Variants in ALKAL1 observed in about 807,000 individuals in gnomAD.
ALKAL1 encodes ALK and LTK ligand 1.
ALKAL1 carries 23 observed loss-of-function variants against 13.5 expected under a neutral mutation model. The observed-to-expected ratio is 1.70, with a 90% CI of 1.23 to 2.41. The LOEUF (loss-of-function observed/expected upper bound fraction) is 2.41. Ranked by LOEUF, ALKAL1 falls within the 30% of genes most tolerant of loss-of-function variation. The pLI, the probability that ALKAL1 is intolerant of heterozygous loss-of-function variation, is 0.00. For missense variants in ALKAL1, 181 were observed against 178.4 expected, an observed-to-expected ratio of 1.01 and a Z score of -0.08; for synonymous variants, 85 against 77.7, an observed-to-expected ratio of 1.09 and a Z score of -0.49.
intron 4 of ALKAL1, among the ~76,000 whole-genome samples, chr8:52,535,698 TAG>T (rs1362033967): frequency 6.6e-6 from 1 of 152,190 alleles, no homozygotes; most frequent in Non-Finnish European, 1.5e-5. Context: ...GTTTTCAATT[TAG>T]CAACTGTAGA....
rs149064822 is a variant in ALKAL1, at chr8:52,562,608, C to T, written c.190+2459G>A. 2.2e-4 allele frequency among the ~76,000 whole-genome samples: 34 copies of T among 152,248 alleles called. No homozygotes were observed. The East Asian group carries it at 6.0e-3, about 27-fold the overall frequency. ...ACTACTCCCTCTACCTGGAAATGAT[C>T]CCCCCACCTCCAGCTCACATCTGCA... On this transcript the variant is annotated intron_variant, in intron 1 of 4. Coordinates refer to ENST00000358543, the MANE Select transcript of ALKAL1 (RefSeq NM_207413.4).
intron 1 of ALKAL1, among the ~76,000 whole-genome samples, chr8:52,560,069 A>G (rs1847531854): frequency 6.6e-6 from 1 of 152,168 alleles, no homozygotes; most frequent in African/African-American, 2.4e-5. Context: ...ATTCAAATAG[A>G]ATAATATAAT....
chr8:52,563,595 C>T (rs1389371477), intron 1 of ALKAL1, among the ~76,000 whole-genome samples: 1 of 152,224 alleles, frequency 6.6e-6, no homozygotes, highest in Admixed American at 6.5e-5. Flanking sequence ...AGTCCTTTCA[C>T]ATTCCAAAGT....
intron 4 of ALKAL1, among the ~76,000 whole-genome samples, chr8:52,536,727 A>G (rs1847269924): frequency 6.6e-6 from 1 of 152,230 alleles, no homozygotes; most frequent in Non-Finnish European, 1.5e-5. Context: ...AAAATAGAAC[A>G]TCTAAGTACT....
chr8:52,538,555 G>T, intron 3 of ALKAL1, 48 bp from the exon 4 acceptor site: 1 of 1,242,020 alleles, frequency 8.1e-7, no homozygotes, highest in Non-Finnish European at 1.2e-6. Context: ...TACTAGAAAT[G>T]TTGGGGAAAT....
chr8:52,554,621 G>A (rs1436940307), intron 1 of ALKAL1, among the ~76,000 whole-genome samples: 2 of 152,264 alleles, frequency 1.3e-5, no homozygotes, highest in East Asian at 1.9e-4. Context: ...AGGAGTATAC[G>A]AATTTAAAGG....
intron 4 of ALKAL1, 131 bp downstream of exon 4, chr8:52,538,300 A>C: frequency 4.9e-6 from 3 of 616,214 alleles, no homozygotes; most frequent in Non-Finnish European, 5.8e-6. Flanking sequence ...GAGGCATACA[A>C]GTATCAAAAT....
chr8:52,539,311 C>T (rs1847291923), intron 3 of ALKAL1, among the ~76,000 whole-genome samples: 2 of 152,090 alleles, frequency 1.3e-5, no homozygotes, highest in South Asian at 4.1e-4. Context: ...AATGAGAGCA[C>T]TTAAATATTA....
At chr8:52,560,245 G>A (rs1250629410) in intron 1 of ALKAL1, among the ~76,000 whole-genome samples, 2 of 152,110 alleles carry the variant, frequency 1.3e-5, no homozygotes, top group Non-Finnish European at 2.9e-5. Flanking sequence ...TTATTAATAT[G>A]TAAAAGACTA....
chr8:52,536,038 A>C (rs767635844), intron 4 of ALKAL1, among the ~76,000 whole-genome samples: 2 of 152,106 alleles, frequency 1.3e-5, no homozygotes, highest in Non-Finnish European at 2.9e-5. Flanking sequence ...TCTTGGGTTC[A>C]AGCGATTCTC....
intron 4 of ALKAL1, among the ~76,000 whole-genome samples, chr8:52,535,659 T>C (rs1239476358): frequency 6.6e-6 from 1 of 151,790 alleles, no homozygotes; most frequent in African/African-American, 2.4e-5. Flanking sequence ...TAAAATAATC[T>C]AGTTTATTTT....
rs1294762024 is a variant in ALKAL1, at chr8:52,565,330, A to C, written c.-74T>G. 1 of 1,163,724 alleles carries C rather than the reference A, an allele frequency of 8.6e-7. No individual in the cohort carries two copies. The highest frequency in any genetic ancestry group is 3.2e-5 in the East Asian group (1 of 31,146). The allele number at this position is 1,163,724 out of a possible 1,614,324, so 72.1% of individuals were successfully genotyped here. Reference sequence around the variant, plus strand: ...GCAGGTCCGGAGGGTGCGCGGCCCAAGAGAAGGCCAGCGGGACCACAGCGC... The same window carrying C: ...GCAGGTCCGGAGGGTGCGCGGCCCACGAGAAGGCCAGCGGGACCACAGCGC... On this transcript the variant is annotated 5_prime_UTR_variant, in exon 1 of 5. Transcript: ENST00000358543.
chr8:52,556,838 C>T (rs1222970392), intron 1 of ALKAL1, among the ~76,000 whole-genome samples: 6 of 151,890 alleles, frequency 4.0e-5, no homozygotes, highest in African/African-American at 4.8e-5. Context: ...TTTATTTTTG[C>T]TATATCTATA....
chr8:52,551,916 C>T (rs189681271), intron 1 of ALKAL1, among the ~76,000 whole-genome samples: 2 of 152,198 alleles, frequency 1.3e-5, no homozygotes, highest in East Asian at 3.9e-4. Context: ...TTCCCATATG[C>T]CCTGCCCTGG....
intron 1 of ALKAL1, among the ~76,000 whole-genome samples, chr8:52,555,965 A>C (rs894357901): frequency 6.6e-6 from 1 of 152,070 alleles, no homozygotes; most frequent in Non-Finnish European, 1.5e-5. Flanking sequence ...TCCCAGGTAC[A>C]TTTTAAAACA....
At chr8:52,553,629 C>T (rs956729585) in intron 1 of ALKAL1, among the ~76,000 whole-genome samples, 2 of 152,104 alleles carry the variant, frequency 1.3e-5, no homozygotes, top group Admixed American at 6.5e-5. Flanking sequence ...CAAAGTCCTC[C>T]TATATTATAC....
At chr8:52,564,059 T>C (rs1847576761) in intron 1 of ALKAL1, among the ~76,000 whole-genome samples, 1 of 152,232 alleles carries the variant, frequency 6.6e-6, no homozygotes, top group Non-Finnish European at 1.5e-5. Flanking sequence ...TTTGCTTTCT[T>C]AGCCATAAAG....
chr8:52,555,172 GAAA>G (rs1228769801), intron 1 of ALKAL1, among the ~76,000 whole-genome samples: 1 of 110,090 alleles, frequency 9.1e-6, no homozygotes. Context: ...CTCTGTCTCA[GAAA>G]AAAAAAAAAA....
At chr8:52,541,053 G>A (rs1310337736) in intron 2 of ALKAL1, among the ~76,000 whole-genome samples, 1 of 152,186 alleles carries the variant, frequency 6.6e-6, no homozygotes, top group African/African-American at 2.4e-5. Flanking sequence ...TAGTAAATAT[G>A]GGGATGTACT....
Sources: gnomAD v4.1 joint callset for allele counts (sites outside exome capture counted in the v4.1 genomes callset) on GRCh38, gnomAD v4.1.1 for gene constraint, MANE v1.5 for transcripts, NCBI Gene and HGNC (gene_info 2026-07-23, HGNC 2026-07-21) for gene names.